The following FRAS1 variants were observed in gnomAD, a reference collection of about 807,000 sequenced individuals.
FRAS1 encodes the protein Fraser extracellular matrix complex subunit 1, also known as extracellular matrix organizing protein FRAS1.
Under a neutral mutation model 435.2 loss-of-function variants are expected in FRAS1, and 290 were observed. The observed-to-expected ratio is 0.67, with a 90% CI of 0.61 to 0.73. The LOEUF (loss-of-function observed/expected upper bound fraction) is 0.73, where lower values mean the gene tolerates loss of function less well. Among genes scored for constraint, FRAS1 ranks in the 30% least tolerant of loss-of-function variants. FRAS1 has a pLI of 0.00. For synonymous variants in FRAS1, 1,800 were observed against 1,851.0 expected, an observed-to-expected ratio of 0.97 and a Z score of 0.71; for missense variants, 4,860 against 5,001.5, an observed-to-expected ratio of 0.97 and a Z score of 0.85.
intron 20 of FRAS1, among the ~76,000 whole-genome samples, chr4:78,344,733 C>G (rs1316986887): frequency 1.3e-5 from 2 of 152,068 alleles, no homozygotes; most frequent in Admixed American, 6.6e-5. Flanking sequence ...GTTTTAAATG[C>G]TAAGGAAGCT....
At chr4:78,480,678 G>T (rs1334090403) in intron 56 of FRAS1, among the ~76,000 whole-genome samples, 2 of 152,220 alleles carry the variant, frequency 1.3e-5, no homozygotes, top group Non-Finnish European at 2.9e-5. Context: ...CTTTCACATG[G>T]TATTTCAGAG....
intron 2 of FRAS1, among the ~76,000 whole-genome samples, chr4:78,140,999 C>G (rs1458988577): frequency 2.6e-5 from 4 of 152,036 alleles, no homozygotes; most frequent in Non-Finnish European, 5.9e-5. Context: ...TTCTTTCTGA[C>G]TTTTTTGGAA....
chr4:78,110,270 C>CA (rs1742634052), intron 2 of FRAS1, among the ~76,000 whole-genome samples: 1 of 105,976 alleles, frequency 9.4e-6, no homozygotes, highest in Non-Finnish European at 1.9e-5. Context: ...CATATGGAAC[C>CA]AAAAAAGAGC....
intron 4 of FRAS1, 32 bp from the exon 5 acceptor site, chr4:78,252,360 C>T (rs760016471): frequency 3.2e-6 from 5 of 1,559,784 alleles, no homozygotes; most frequent in Non-Finnish European, 4.3e-6. Context: ...TTGGCACTAA[C>T]CTTTTTTTTT....
At position 78,488,904 on chromosome 4, in the gene FRAS1, C is replaced by A; in HGVS notation, c.8782C>A (p.Leu2928Ile). The change falls in exon 59 of 74, where the codon CTC (leucine) becomes ATC (isoleucine). Residue 2928 changes from leucine to isoleucine, a missense_variant. Leu to Ile is a conservative substitution (Grantham distance 5). Coordinates refer to ENST00000512123, the MANE Select transcript of FRAS1 (RefSeq NM_025074.7). ...CAGCATGCAGTTTGCCAAGGATTTG[C>A]TCCTAGTGAAGGAGAAGGAGGGTGT... Reference protein sequence around the residue: ...VPSMQFAKDLLLVKEKEGVLH... With the variant: ...VPSMQFAKDLILVKEKEGVLH... The A allele has an allele frequency of 1.2e-6, 2 of 1,612,990 alleles. No homozygotes were observed. Among genetic ancestry groups the A allele is most frequent in the Non-Finnish European group, 1.7e-6 (2 of 1,179,578 alleles).
intron 14 of FRAS1, among the ~76,000 whole-genome samples, chr4:78,294,486 A>T (rs1728055258): frequency 6.6e-6 from 1 of 152,138 alleles, no homozygotes; most frequent in Admixed American, 6.5e-5. Flanking sequence ...TCGATTTAGG[A>T]ATATAGGTAG....
At chr4:78,169,625 A>G (rs962162445) in intron 2 of FRAS1, among the ~76,000 whole-genome samples, 10 of 152,162 alleles carry the variant, frequency 6.6e-5, no homozygotes, top group African/African-American at 1.2e-4. Flanking sequence ...CCTCAAATGG[A>G]TGAGATGCTA....
chr4:78,308,806 G>A (rs1370265386), intron 15 of FRAS1, among the ~76,000 whole-genome samples: 2 of 152,262 alleles, frequency 1.3e-5, no homozygotes, highest in Admixed American at 1.3e-4. Context: ...ATGGCTTTCG[G>A]CACATTAGTC....
At chr4:78,065,764 G>A (rs1159599663) in intron 1 of FRAS1, among the ~76,000 whole-genome samples, 1 of 152,172 alleles carries the variant, frequency 6.6e-6, no homozygotes, top group Non-Finnish European at 1.5e-5. Context: ...CAAGTCATAA[G>A]TTTTAATGAT....
intron 9 of FRAS1, among the ~76,000 whole-genome samples, chr4:78,268,296 C>G (rs1437811363): frequency 6.6e-6 from 1 of 152,176 alleles, no homozygotes; most frequent in African/African-American, 2.4e-5. Flanking sequence ...GGAGGAACAA[C>G]CTTTCAGACA....
intron 20 of FRAS1, among the ~76,000 whole-genome samples, chr4:78,360,754 C>T (rs1731045181): frequency 6.6e-6 from 1 of 152,128 alleles, no homozygotes; most frequent in Non-Finnish European, 1.5e-5. Context: ...AACCTGGCTC[C>T]AGCTTCCTTT....
At chr4:78,512,041 GC>G (rs1721058694) in intron 64 of FRAS1, among the ~76,000 whole-genome samples, 1 of 152,158 alleles carries the variant, frequency 6.6e-6, no homozygotes, top group Admixed American at 6.5e-5. Flanking sequence ...AGTATCTTCT[GC>G]CAGTATAGTG....
chr4:78,298,648 A>C (rs73827961), intron 14 of FRAS1, among the ~76,000 whole-genome samples: 2,074 of 152,348 alleles, frequency 0.014, 52 homozygotes, highest in African/African-American at 0.047. Context: ...TACAGCTTCA[A>C]GTTTCTCTTA....
chr4:78,307,476 T>C (rs1028535449), intron 14 of FRAS1, among the ~76,000 whole-genome samples: 1 of 152,178 alleles, frequency 6.6e-6, no homozygotes, highest in Non-Finnish European at 1.5e-5. Flanking sequence ...GCTGCCGCCT[T>C]GCAGTTTGAT....
chr4:78,277,730 T>A (rs1399140783), intron 9 of FRAS1, among the ~76,000 whole-genome samples: 1 of 152,084 alleles, frequency 6.6e-6, no homozygotes, highest in Non-Finnish European at 1.5e-5. Flanking sequence ...TTATTGATAT[T>A]GGGAAATGAA....
At chr4:78,335,784 C>T (rs2110263039) in intron 19 of FRAS1, among the ~76,000 whole-genome samples, 1 of 152,078 alleles carries the variant, frequency 6.6e-6, no homozygotes, top group East Asian at 1.9e-4. Flanking sequence ...TTTTTAAGAT[C>T]ACCTTTATGT....
intron 52 of FRAS1, 34 bp downstream of exon 52, chr4:78,472,364 A>T (rs774583496): frequency 6.5e-7 from 1 of 1,541,812 alleles, no homozygotes; most frequent in Non-Finnish European, 8.8e-7. Flanking sequence ...AAATGGGAGA[A>T]ATCTATGCTA....
At chr4:78,420,387 T>C (rs1380572115) in intron 33 of FRAS1, among the ~76,000 whole-genome samples, 1 of 152,174 alleles carries the variant, frequency 6.6e-6, no homozygotes, top group Non-Finnish European at 1.5e-5. Context: ...GGAGAATGGT[T>C]TTTGCCCTCT....
chr4:78,255,970 T>C (rs978999826), intron 6 of FRAS1, among the ~76,000 whole-genome samples: 5 of 152,232 alleles, frequency 3.3e-5, no homozygotes, highest in African/African-American at 7.2e-5. Context: ...TTTTATATTA[T>C]AGTTTTTTAC....
Sources: allele counts gnomAD v4.1 joint callset (sites outside exome capture counted in the v4.1 genomes callset), GRCh38; gene constraint gnomAD v4.1.1; transcripts MANE v1.5; gene names NCBI Gene and HGNC (gene_info 2026-07-23, HGNC 2026-07-21).